Variants in ATF7IP2 observed in about 807,000 individuals in gnomAD.
ATF7IP2 encodes the protein activating transcription factor 7-interacting protein 2.
A neutral mutation model predicts 64.2 loss-of-function variants in ATF7IP2; 42 were observed. That is an observed-to-expected ratio of 0.65 (90% CI 0.51 to 0.85). ATF7IP2 has a LOEUF of 0.85. ATF7IP2 is among the 40% of genes least tolerant of loss of function. The probability of loss-of-function intolerance (pLI) is 0.00; values close to 1 mark genes in which losing one functional copy is unlikely to be tolerated. For missense variants in ATF7IP2, 933 were observed against 784.2 expected (o/e 1.19, Z -2.27); for synonymous variants, 308 against 272.8 (o/e 1.13, Z -1.27).
chr16:10,427,406 T>G (rs78849400), intron 3 of ATF7IP2, among the ~76,000 whole-genome samples: 3 of 152,218 alleles, frequency 2.0e-5, no homozygotes, highest in African/African-American at 7.2e-5. Flanking sequence ...GTGGTAACTC[T>G]TACGTATTGA....
At chr16:10,444,042 G>T (rs150942476) in intron 8 of ATF7IP2, among the ~76,000 whole-genome samples, 1 of 152,144 alleles carries the variant, frequency 6.6e-6, no homozygotes, top group East Asian at 1.9e-4. Flanking sequence ...GGTGGGTTCT[G>T]TGTGTTCTAG....
intron 9 of ATF7IP2, among the ~76,000 whole-genome samples, chr16:10,463,149 T>G (rs984759650): frequency 6.6e-6 from 1 of 152,212 alleles, no homozygotes; most frequent in Non-Finnish European, 1.5e-5. Flanking sequence ...GTTTTACATC[T>G]TTGTCCTATT....
chr16:10,402,626 G>A (rs1026099267), intron 1 of ATF7IP2, among the ~76,000 whole-genome samples: 1 of 151,982 alleles, frequency 6.6e-6, no homozygotes, highest in East Asian at 1.9e-4. Context: ...ACCATGCTTG[G>A]CTAATTTTTA....
At chr16:10,390,980 T>G (rs920028075) in intron 1 of ATF7IP2, among the ~76,000 whole-genome samples, 1 of 147,900 alleles carries the variant, frequency 6.8e-6, no homozygotes, top group Non-Finnish European at 1.5e-5. Context: ...CTGGGCAGCA[T>G]AATGAGACCC....
chr16:10,432,896 C>T (rs1434157554), intron 5 of ATF7IP2, among the ~76,000 whole-genome samples: 3 of 151,858 alleles, frequency 2.0e-5, no homozygotes, highest in African/African-American at 7.3e-5. Context: ...AAAAAGAGTA[C>T]CTTTATATAA....
chr16:10,465,037 T>C (rs896985395), intron 9 of ATF7IP2, among the ~76,000 whole-genome samples: 2 of 152,042 alleles, frequency 1.3e-5, no homozygotes, highest in African/African-American at 4.8e-5. Context: ...GCCATGTTAG[T>C]CAGGCTGCTC....
At chr16:10,404,345 C>A (rs1596445874) in intron 1 of ATF7IP2, among the ~76,000 whole-genome samples, 1 of 152,136 alleles carries the variant, frequency 6.6e-6, no homozygotes, top group African/African-American at 2.4e-5. Flanking sequence ...TTCCGCCTCC[C>A]AGGTTCAAGC....
At chr16:10,480,501 T>C (rs1056484220) in intron 12 of ATF7IP2, among the ~76,000 whole-genome samples, 6 of 151,948 alleles carry the variant, frequency 3.9e-5, no homozygotes, top group African/African-American at 1.5e-4. Context: ...ACCCACATGA[T>C]TTTTAGTTTG....
At chr16:10,473,641 C>A (rs1227712208) in intron 11 of ATF7IP2, 107 bp downstream of exon 11, 1 of 795,670 alleles carries the variant, frequency 1.3e-6, no homozygotes, top group African/African-American at 1.7e-5. Flanking sequence ...CCACGTTACA[C>A]ACTGAAAAGC....
intron 1 of ATF7IP2, among the ~76,000 whole-genome samples, chr16:10,402,772 G>T (rs567098801): frequency 1.1e-4 from 17 of 152,046 alleles, no homozygotes; most frequent in Admixed American, 1.1e-3. Context: ...CCTGATTTTG[G>T]TTTTTTAAAA....
At chr16:10,467,800 G>A (rs111556411) in intron 9 of ATF7IP2, among the ~76,000 whole-genome samples, 2,368 of 149,714 alleles carry the variant, frequency 0.016, 57 homozygotes, top group African/African-American at 0.054. Context: ...TGATCCACCC[G>A]CCTCGGCCCC....
At chr16:10,480,384 C>T (rs1007881865) in intron 12 of ATF7IP2, among the ~76,000 whole-genome samples, 1 of 151,864 alleles carries the variant, frequency 6.6e-6, no homozygotes, top group African/African-American at 2.4e-5. Flanking sequence ...CATCTATTTT[C>T]CTTTCTGTTT....
intron 1 of ATF7IP2, among the ~76,000 whole-genome samples, chr16:10,398,468 A>G (rs1014596566): frequency 1.3e-5 from 2 of 152,212 alleles, no homozygotes; most frequent in African/African-American, 4.8e-5. Context: ...TTGGATATAT[A>G]TCTAAAGGAT....
chr16:10,462,714 C>T (rs547329834), intron 9 of ATF7IP2, among the ~76,000 whole-genome samples: 1 of 152,122 alleles, frequency 6.6e-6, no homozygotes, highest in Non-Finnish European at 1.5e-5. Flanking sequence ...GGGCTTGTGG[C>T]CCTTCTTGAA....
intron 7 of ATF7IP2, among the ~76,000 whole-genome samples, chr16:10,439,908 A>G (rs976293385): frequency 6.6e-6 from 1 of 151,770 alleles, no homozygotes; most frequent in Non-Finnish European, 1.5e-5. Flanking sequence ...TCACGCCTGT[A>G]ATCCCAGCAC....
rs967326686 is a variant in ATF7IP2 at position 10,482,869 on chromosome 16, C to T, written c.*620C>T. The T allele has an allele frequency of 6.6e-6, 1 of 152,258 alleles. No individual in the cohort carries two copies. Among genetic ancestry groups the T allele is most frequent in the Non-Finnish European group, 1.5e-5 (1 of 68,084 alleles). The allele number at this position is 152,258 out of a possible 1,614,324, so 9.4% of individuals were successfully genotyped here. ...AGTAGCTGGGACTATAGTCACTTGC[C>T]ACCATGCCCGGCTAATTTATTTTTA... On this transcript the variant is annotated 3_prime_UTR_variant, in exon 14 of 14. Coordinates refer to ENST00000562102, the MANE Select transcript of ATF7IP2 (RefSeq NM_001393719.1).
chr16:10,405,856 A>C (rs939195586), intron 1 of ATF7IP2, among the ~76,000 whole-genome samples: 2 of 152,060 alleles, frequency 1.3e-5, no homozygotes, highest in African/African-American at 4.8e-5. Flanking sequence ...TTCCTTCAAA[A>C]CCTAACAGAA....
intron 1 of ATF7IP2, among the ~76,000 whole-genome samples, chr16:10,389,494 C>T (rs2047277589): frequency 6.6e-6 from 1 of 152,074 alleles, no homozygotes; most frequent in Non-Finnish European, 1.5e-5. Context: ...GTGAGTGCTC[C>T]CCGTCCAGTG....
chr16:10,443,835 A>G (rs1404967471), intron 8 of ATF7IP2, among the ~76,000 whole-genome samples: 2 of 152,150 alleles, frequency 1.3e-5, no homozygotes, highest in African/African-American at 2.4e-5. Flanking sequence ...GGTAGTGGAG[A>G]GAAGAACTGG....
Sources: gnomAD v4.1 joint callset for allele counts (sites outside exome capture counted in the v4.1 genomes callset) on GRCh38, gnomAD v4.1.1 for gene constraint, MANE v1.5 for transcripts, NCBI Gene and HGNC (gene_info 2026-07-23, HGNC 2026-07-21) for gene names.